SRGAP3: variants seen among roughly 807,000 people sequenced by gnomAD.
SRGAP3 encodes the protein SLIT-ROBO Rho GTPase-activating protein 3.
Under a neutral mutation model 121.1 loss-of-function variants are expected in SRGAP3, and 39 were observed. That is an observed-to-expected ratio of 0.32 (90% CI 0.25 to 0.42). The LOEUF is 0.42. SRGAP3 is among the 10% of genes least tolerant of loss of function. The probability of loss-of-function intolerance (pLI) is 1.00; values close to 1 mark genes in which losing one functional copy is unlikely to be tolerated. For synonymous variants in SRGAP3, 601 were observed against 570.0 expected (o/e 1.05, Z -0.77); for missense variants, 1,213 against 1,470.6 (o/e 0.82, Z 2.86).
chr3:9,334,418 T>C (rs1270757767), intron 1 of SRGAP3, among the ~76,000 whole-genome samples: 3 of 152,112 alleles, frequency 2.0e-5, no homozygotes, highest in African/African-American at 7.2e-5. Flanking sequence ...ATATGTGTTG[T>C]ACTAGATATA....
intron 1 of SRGAP3, among the ~76,000 whole-genome samples, chr3:9,188,366 T>C (rs1350211410): frequency 6.6e-6 from 1 of 152,164 alleles, no homozygotes; most frequent in Non-Finnish European, 1.5e-5. Context: ...CAATTATAGG[T>C]CTTCAAAACA....
intron 2 of SRGAP3, among the ~76,000 whole-genome samples, chr3:9,328,784 C>T (rs533107169): frequency 6.6e-6 from 1 of 152,200 alleles, no homozygotes; most frequent in East Asian, 1.9e-4. Context: ...CGAGCTACAG[C>T]GTGGGGTAGT....
chr3:9,323,798 A>AACACACACACACACAC (rs139013302), intron 3 of SRGAP3, among the ~76,000 whole-genome samples: 93 of 148,886 alleles, frequency 6.2e-4, no homozygotes, highest in African/African-American at 2.0e-3. Context: ...CTGTGTATCT[A>AACACACACACACACAC]ACACACACAC....
intron 3 of SRGAP3, among the ~76,000 whole-genome samples, chr3:9,260,530 TGGGAAGTTCAAACGATGC>T (rs1302984731): frequency 1.3e-5 from 2 of 152,184 alleles, no homozygotes; most frequent in African/African-American, 4.8e-5. Context: ...ATAAAGCCAC[TGGGAAGTTCAAACGATGC>T]GGAACCCACT....
intron 1 of SRGAP3, among the ~76,000 whole-genome samples, chr3:9,243,388 A>G (rs1243003070): frequency 2.0e-5 from 3 of 152,112 alleles, no homozygotes; most frequent in African/African-American, 7.2e-5. Flanking sequence ...TAATCCCAGC[A>G]TTTTGGGAGG....
chr3:8,997,341 T>A (rs1015912420), intron 18 of SRGAP3, among the ~76,000 whole-genome samples: 1 of 152,208 alleles, frequency 6.6e-6, no homozygotes, highest in Non-Finnish European at 1.5e-5. Context: ...GTCCCCTGGA[T>A]CTGACCATGG....
At chr3:9,064,753 G>A (rs896213112) in intron 4 of SRGAP3, among the ~76,000 whole-genome samples, 172 bp from the exon 5 acceptor site, 3 of 151,702 alleles carry the variant, frequency 2.0e-5, no homozygotes, top group Non-Finnish European at 4.4e-5. Flanking sequence ...TCTGAGGACT[G>A]GATATGATGA....
Position 9,155,648 on chromosome 3 carries a change from C to T in SRGAP3, c.68-30731G>A, listed in dbSNP as rs1950392227. ...ACTGGCTTTTAATTCACTAATTCTT[C>T]AATTATGTCCAGTATCAAGTCAATG... On this transcript the variant is annotated intron_variant, in intron 1 of 21. Coordinates refer to ENST00000383836, the MANE Select transcript of SRGAP3 (RefSeq NM_014850.4). 2.0e-5 allele frequency among the ~76,000 whole-genome samples: 3 copies of T among 152,094 alleles called. No individual in the cohort carries two copies. In the South Asian group the frequency reaches 6.2e-4, roughly 32 times the overall value.
At chr3:9,094,323 A>G (rs1310459918) in intron 3 of SRGAP3, among the ~76,000 whole-genome samples, 1 of 152,216 alleles carries the variant, frequency 6.6e-6, no homozygotes, top group Non-Finnish European at 1.5e-5. Context: ...TCACTATTGT[A>G]TAAGATTCCA....
chr3:8,999,419 C>T (rs1942613863), intron 18 of SRGAP3, among the ~76,000 whole-genome samples: 1 of 152,218 alleles, frequency 6.6e-6, no homozygotes, highest in African/African-American at 2.4e-5. Context: ...TGCTTCTCTA[C>T]CCATCAAATC....
chr3:9,146,826 G>A (rs1950042064), intron 1 of SRGAP3, among the ~76,000 whole-genome samples: 1 of 152,140 alleles, frequency 6.6e-6, no homozygotes, highest in South Asian at 2.1e-4. Flanking sequence ...TTGGGTGCTT[G>A]GCAGGAAGCA....
chr3:9,141,556 G>A (rs1949849587), intron 1 of SRGAP3, among the ~76,000 whole-genome samples: 1 of 13,988 alleles, frequency 7.1e-5, no homozygotes, highest in South Asian at 2.4e-3. Context: ...CTTCAGGGGT[G>A]TGTGTGTGTG....
intron 6 of SRGAP3, chr3:9,059,675 C>G (rs1329547535): frequency 9.8e-6 from 2 of 203,122 alleles, no homozygotes; most frequent in Non-Finnish European, 2.0e-5. Flanking sequence ...GTGTCCTGCA[C>G]AGCGGGTACT....
chr3:8,994,298 C>T, intron 19 of SRGAP3, 45 bp downstream of exon 19: 2 of 1,611,454 alleles, frequency 1.2e-6, no homozygotes, highest in East Asian at 4.5e-5. Context: ...CCAGACATCA[C>T]TAATCTATTT....
At chr3:9,301,350 C>T (rs752530946) in intron 3 of SRGAP3, among the ~76,000 whole-genome samples, 2 of 152,326 alleles carry the variant, frequency 1.3e-5, no homozygotes, top group East Asian at 1.9e-4. Flanking sequence ...GCAGGTCCCC[C>T]GCCTGCCCAG....
At chr3:9,258,602 A>C (rs1301461847) in intron 3 of SRGAP3, among the ~76,000 whole-genome samples, 3 of 152,212 alleles carry the variant, frequency 2.0e-5, no homozygotes, top group East Asian at 3.8e-4. Context: ...AGACAAGATG[A>C]TGCCACGTAC....
intron 13 of SRGAP3, among the ~76,000 whole-genome samples, chr3:9,025,872 T>C (rs1559942696): frequency 1.3e-5 from 2 of 152,242 alleles, no homozygotes; most frequent in African/African-American, 4.8e-5. Context: ...TTTCCCTATC[T>C]CTGTTTTTCT....
At chr3:9,059,811 G>A (rs556193607) in intron 6 of SRGAP3, 12 of 293,584 alleles carry the variant, frequency 4.1e-5, no homozygotes, top group Middle Eastern at 1.2e-3. Flanking sequence ...GCATGTACAC[G>A]TGTCTGGCTG....
At chr3:9,346,867 T>C (rs971069746) in intron 1 of SRGAP3, among the ~76,000 whole-genome samples, 2 of 151,200 alleles carry the variant, frequency 1.3e-5, no homozygotes. Context: ...GCAATTCTCC[T>C]GCCTCAGCCT....
Sources: allele counts gnomAD v4.1 joint callset (sites outside exome capture counted in the v4.1 genomes callset), GRCh38; gene constraint gnomAD v4.1.1; transcripts MANE v1.5; gene names NCBI Gene and HGNC (gene_info 2026-07-23, HGNC 2026-07-21).